Variants in STARD8 observed in about 807,000 individuals in gnomAD.
STARD8 encodes stAR-related lipid transfer protein 8.
A neutral mutation model predicts 69.4 loss-of-function variants in STARD8; 25 were observed. The ratio of observed to expected loss-of-function variants is 0.36; its 90% CI spans 0.26 to 0.50. STARD8 has a LOEUF of 0.50. STARD8 is among the 20% of genes least tolerant of loss of function. STARD8 has a pLI of 0.96. For synonymous variants in STARD8, 389 were observed against 374.6 expected, an observed-to-expected ratio of 1.04 and a Z score of -0.45; for missense variants, 921 against 932.5, an observed-to-expected ratio of 0.99 and a Z score of 0.16.
At position 68,722,027 on chromosome X, in the gene STARD8, C is replaced by T; in HGVS notation, c.2460-20C>T. 2 of 1,166,942 alleles carry T rather than the reference C, an allele frequency of 1.7e-6. No homozygotes were observed. The highest frequency in any genetic ancestry group is 3.7e-5 in the South Asian group (2 of 53,401). On this transcript the variant is annotated intron_variant, in intron 10 of 14. Coordinates refer to ENST00000374599, the MANE Select transcript of STARD8 (RefSeq NM_001142503.3). ...TGCTCTTGTGCCATCTCTCCTCTCA[C>T]CACCTCCTGCTCCATCTAGGATCAA... is the stretch of plus-strand genomic sequence containing the variant.
intron 1 of STARD8, among the ~76,000 whole-genome samples, chrX:68,651,859 C>CTT (rs777830461): frequency 2.1e-5 from 2 of 96,107 alleles, no homozygotes; most frequent in African/African-American, 3.8e-5. Flanking sequence ...TGGGTTAAGT[C>CTT]TTTTTTTTTT....
rs2079524779 is a variant in STARD8, at chrX:68,647,882, C to T, written c.-1C>T. The T allele has an allele frequency of 8.3e-7, 1 of 1,199,295 alleles. No individual in the cohort carries two copies. Among genetic ancestry groups the T allele is most frequent in the Non-Finnish European group, 1.1e-6 (1 of 889,266 alleles). On this transcript the variant is annotated 5_prime_UTR_variant, in exon 1 of 15. Coordinates refer to ENST00000374599, the MANE Select transcript of STARD8 (RefSeq NM_001142503.3). ...GCCCTAGAAGCTCCCCACGCGCCAC[C>T]ATGCCTCTGCTGGACGTTTTCTGGT...
rs2080188563 is a variant in STARD8 at position 68,725,093 on chromosome X, GAGTA to G, written c.*672_*675del. ...TGGCATAGATAGGGATGTGAGAGTG[GAGTA>G]CCTTCCTTTCTCAAGTCTCGAGATG... is the stretch of plus-strand genomic sequence containing the variant. On this transcript the variant is annotated 3_prime_UTR_variant, in exon 15 of 15. Transcript: ENST00000374599. 9.0e-6 allele frequency: 1 copy of G among 111,171 alleles called. No homozygotes were observed. The highest frequency in any genetic ancestry group is 3.3e-5 in the African/African-American group (1 of 30,545). The allele number at this position is 111,171 out of a possible 1,213,427, so 9.2% of individuals were successfully genotyped here.
Position 68,724,025 on chromosome X carries a change from C to T in STARD8, c.3098C>T (p.Ser1033Leu), listed in dbSNP as rs773053438. 58 of 1,210,660 alleles carry T rather than the reference C, an allele frequency of 4.8e-5. No homozygotes were observed. In the Admixed American group the frequency reaches 1.1e-3, roughly 22 times the overall value. Residue 1033 changes from serine to leucine, a missense_variant, in exon 14 of 15, where the codon TCG becomes TTG. Coordinates refer to ENST00000374599, the MANE Select transcript of STARD8 (RefSeq NM_001142503.3). Reference protein sequence around the residue: ...SLDPEQPVPESGVRALMLTSQ... With the variant: ...SLDPEQPVPELGVRALMLTSQ... The stretch of plus-strand genomic sequence containing the variant: ...GATCCGGAACAACCTGTGCCAGAGT[C>T]GGGTGTGCGAGCCCTCATGCTCACA...
intron 2 of STARD8, among the ~76,000 whole-genome samples, chrX:68,700,532 C>T (rs748466053): frequency 6.8e-4 from 77 of 112,612 alleles, no homozygotes; most frequent in African/African-American, 2.4e-3. Flanking sequence ...CTCCAAGGGA[C>T]GTGGCCTAGG....
chrX:68,712,800 C>T (rs147676232), intron 2 of STARD8, 114 bp from the exon 3 acceptor site: 9,058 of 688,941 alleles, frequency 0.013, 46 homozygotes, highest in Non-Finnish European at 0.015. Flanking sequence ...TGCTAGATCA[C>T]CAGAATGAGA....
intron 2 of STARD8, among the ~76,000 whole-genome samples, chrX:68,677,017 A>C (rs1439301321): frequency 9.1e-6 from 1 of 109,760 alleles, no homozygotes; most frequent in Non-Finnish European, 1.9e-5. Flanking sequence ...GTGGTGGTAC[A>C]TGCCTGTAGT....
At chrX:68,679,851 C>T (rs1271250600) in intron 2 of STARD8, among the ~76,000 whole-genome samples, 2 of 111,822 alleles carry the variant, frequency 1.8e-5, no homozygotes, top group Non-Finnish European at 3.8e-5. Context: ...GCTGGCATTA[C>T]CACAACTCCC....
chrX:68,648,063 T>C, intron 1 of STARD8, 136 bp downstream of exon 1: 1 of 800,721 alleles, frequency 1.2e-6, no homozygotes, highest in Non-Finnish European at 1.8e-6. Flanking sequence ...TTAGAAAGGC[T>C]TGGGTTCAAG....
Position 68,717,457 on chromosome X carries a change from G to A in STARD8, c.543G>A (p.Ser181=), listed in dbSNP as rs1335290322. 7 of 1,208,020 alleles carry A rather than the reference G, an allele frequency of 5.8e-6. No homozygotes were observed. The highest frequency in any genetic ancestry group is 4.4e-5 in the Admixed American group (2 of 45,717). Residue 181 remains serine (S), a synonymous_variant, in exon 6 of 15, where the codon TCG becomes TCA. Coordinates refer to ENST00000374599, the MANE Select transcript of STARD8 (RefSeq NM_001142503.3). The stretch of plus-strand genomic sequence containing the variant: ...CCTTGCCAGGCCGTGCCCCCAGCTC[G>A]AGTGACCGGCCCCTCCTCAGCCCCA... The part of the protein sequence containing the change: ...DLPLPGRAPS[S]SDRPLLSPTQ...
In STARD8 at chrX:68,718,586, C is replaced by T. The variant is rs756649115; in HGVS notation, c.1672C>T (p.Arg558Trp). 5.2e-5 allele frequency: 63 copies of T among 1,207,284 alleles called. No individual in the cohort carries two copies. Among genetic ancestry groups the T allele is most frequent in the South Asian group, 2.9e-4 (16 of 55,975 alleles). ...ACTCCAGGCATCAATGCCCCGTGAA[C>T]GGCGCGATTCAGGTGTTGGGGCCTC... ...AGLQASMPRE[R>W]RDSGVGASLT... is the part of the protein sequence containing the mutation. The change falls in exon 6 of 15, where the codon CGG becomes TGG. Residue 558 changes from arginine to tryptophan, a missense_variant. Transcript: ENST00000374599.
chrX:68,653,379 C>CCA (rs1286389947), intron 1 of STARD8, among the ~76,000 whole-genome samples: 3 of 36,026 alleles, frequency 8.3e-5, no homozygotes, highest in Admixed American at 3.4e-4. Flanking sequence ...GCACACCACA[C>CCA]CACACACACA....
At chrX:68,653,080 CCACACCA>C (rs1569351029) in intron 1 of STARD8, among the ~76,000 whole-genome samples, 1 of 1,463 alleles carries the variant, frequency 6.8e-4, no homozygotes, top group Non-Finnish European at 1.5e-3. Context: ...CACACACACA[CCACACCA>C]CACACCACAC....
intron 2 of STARD8, among the ~76,000 whole-genome samples, chrX:68,676,816 T>C (rs1257399966): frequency 8.9e-6 from 1 of 111,963 alleles, no homozygotes; most frequent in East Asian, 2.8e-4. Context: ...GTTTTATTTG[T>C]TTTTCCTTTC....
intron 1 of STARD8, among the ~76,000 whole-genome samples, chrX:68,653,362 C>A (rs1325519030): frequency 9.7e-5 from 1 of 10,264 alleles, no homozygotes; most frequent in Admixed American, 1.2e-3. Flanking sequence ...CACACACACC[C>A]CCAAACGCAC....
rs1019845961 is a variant in STARD8, at chrX:68,659,190, C to G, written c.46-6309C>G. ...ATGATGACCTATGTGAAAAGGCCTG[C>G]CACACAATGGGTGCTCAGTAAATAT... On this transcript the variant is annotated intron_variant, in intron 1 of 14. Transcript: ENST00000374599. 2.8e-4 allele frequency among the ~76,000 whole-genome samples: 31 copies of G among 112,022 alleles called. 1 individual carries two copies. The highest frequency in any genetic ancestry group is 3.8e-4 in the Admixed American group (4 of 10,603).
At chrX:68,689,618 C>T (rs1317188252) in intron 2 of STARD8, among the ~76,000 whole-genome samples, 1 of 112,490 alleles carries the variant, frequency 8.9e-6, no homozygotes, top group Non-Finnish European at 1.9e-5. Context: ...TTAGGGAGGG[C>T]AAGGGCAGAG....
chrX:68,696,847 G>T (rs1228732536), intron 2 of STARD8, among the ~76,000 whole-genome samples: 1 of 111,823 alleles, frequency 8.9e-6, no homozygotes, highest in African/African-American at 3.3e-5. Context: ...TAGTTTGGGG[G>T]TTAGTGGCAT....
intron 6 of STARD8, 152 bp from the exon 7 acceptor site, chrX:68,719,073 C>G (rs1384154480): frequency 9.8e-6 from 7 of 716,381 alleles, no homozygotes; most frequent in Non-Finnish European, 1.3e-5. Flanking sequence ...CTTTTTCCAC[C>G]CTGGGGCCTC....
Sources: allele counts gnomAD v4.1 joint callset (sites outside exome capture counted in the v4.1 genomes callset), GRCh38; gene constraint gnomAD v4.1.1; transcripts MANE v1.5; gene names NCBI Gene and HGNC (gene_info 2026-07-23, HGNC 2026-07-21).